The following ZNF441 variants were observed in gnomAD, a reference collection of about 807,000 sequenced individuals.
The protein encoded by ZNF441 is zinc finger protein 441.
Under a neutral mutation model 64.5 loss-of-function variants are expected in ZNF441, and 25 were observed. That is an observed-to-expected ratio of 0.39 (90% confidence interval 0.28 to 0.54). ZNF441 has a LOEUF of 0.54. Ranked by LOEUF, ZNF441 falls within the 20% of genes least tolerant of loss-of-function variation. The probability of loss-of-function intolerance (pLI) is 0.70; values close to 1 mark genes in which losing one functional copy is unlikely to be tolerated. For synonymous variants in ZNF441, 262 were observed against 268.0 expected, an observed-to-expected ratio of 0.98 and a Z score of 0.22; for missense variants, 715 against 843.3, an observed-to-expected ratio of 0.85 and a Z score of 1.88.
intron 1 of ZNF441, among the ~76,000 whole-genome samples, chr19:11,777,291 A>G (rs1035032476): frequency 3.9e-5 from 6 of 152,002 alleles, no homozygotes; most frequent in African/African-American, 1.5e-4. Context: ...CACAATAGGT[A>G]GTAGGACTTT....
intron 3 of ZNF441, 51 bp from the exon 4 acceptor site, chr19:11,779,968 C>T (rs913925126): frequency 2.9e-6 from 4 of 1,400,452 alleles, no homozygotes; most frequent in Non-Finnish European, 3.9e-6. Flanking sequence ...CTTATTAATA[C>T]AAAATCATTT....
intron 1 of ZNF441, among the ~76,000 whole-genome samples, chr19:11,772,591 CAAAT>C (rs1975323207): frequency 6.6e-6 from 1 of 152,172 alleles, no homozygotes; most frequent in Non-Finnish European, 1.5e-5. Context: ...TGTTACTAAA[CAAAT>C]GAATAATTAA....
chr19:11,780,207 A>T lies in ZNF441; in HGVS notation c.383A>T (p.His128Leu), dbSNP rs771903330. 6.8e-6 allele frequency: 11 copies of T among 1,614,122 alleles called. No individual in the cohort carries two copies. Among genetic ancestry groups the T allele is most frequent in the African/African-American group, 1.3e-5 (1 of 74,952 alleles). ...LNCYVRVDSE[H>L]KPCEYQEYGE... is the part of the protein sequence containing the mutation. The stretch of plus-strand genomic sequence containing the variant: ...TGCTACGTTAGAGTTGACAGTGAAC[A>T]CAAACCATGTGAGTATCAAGAATAT... The change falls in exon 4 of 4, where the codon CAC becomes CTC. Residue 128 changes from histidine to leucine, a missense_variant. His to Leu is a moderately conservative substitution (Grantham distance 99). Transcript: ENST00000357901.
rs1290733192 is a variant in ZNF441 at position 11,783,851 on chromosome 19, G to A, written c.*1945G>A. Reference sequence around the variant, plus strand: ...TTCTGATGTTAGAAAGCATACTAGAGTGAACTATAGTTAGCAAAAATATAT... The same window carrying A: ...TTCTGATGTTAGAAAGCATACTAGAATGAACTATAGTTAGCAAAAATATAT... On this transcript the variant is annotated 3_prime_UTR_variant, in exon 4 of 4. Coordinates refer to ENST00000357901, the MANE Select transcript of ZNF441 (RefSeq NM_152355.3). 1.3e-5 allele frequency: 2 copies of A among 152,132 alleles called. No individual in the cohort carries two copies. The highest frequency in any genetic ancestry group is 4.8e-5 in the African/African-American group (2 of 41,420). 9.4% of individuals were successfully genotyped at this position (152,132 alleles called of 1,614,324 possible).
At position 11,778,281 on chromosome 19, in the gene ZNF441, C is replaced by T. The variant is rs1272272604; in HGVS notation, c.131-49C>T. The stretch of plus-strand genomic sequence containing the variant: ...GTGTACATAAAATCTTACAGTCTTT[C>T]TATAATTTTATAATAATTTATAGTC... On this transcript the variant is annotated intron_variant, in intron 2 of 3. Transcript: ENST00000357901. The T allele has an allele frequency of 3.9e-6, 5 of 1,277,010 alleles. No homozygotes were observed. In the African/African-American group the frequency reaches 7.5e-5, roughly 19 times the overall value. 79.1% of individuals were successfully genotyped at this position (1,277,010 alleles called of 1,614,324 possible).
rs1018072992 is a variant in ZNF441 at position 11,767,025 on chromosome 19, A to T, written c.-169A>T. The stretch of plus-strand genomic sequence containing the variant: ...GTCAATCAGGCGCACTGACCGGAGG[A>T]GGGTGCAAGGTTCAAAGAGCCCGCC... On this transcript the variant is annotated 5_prime_UTR_variant, in exon 1 of 4. Transcript: ENST00000357901. The surrounding 1 kb of genome is among the most constrained non-coding windows in gnomAD (Gnocchi z 5.1). The T allele has an allele frequency of 1.1e-6, 1 of 927,866 alleles. No homozygotes were observed. The highest frequency in any genetic ancestry group is 1.6e-6 in the Non-Finnish European group (1 of 613,748). The allele number at this position is 927,866 out of a possible 1,614,324, so 57.5% of individuals were successfully genotyped here. A position where few individuals can be genotyped will look rare whatever the true frequency, so the allele number is the denominator to read the frequency against.
At chr19:11,778,176 A>T in intron 2 of ZNF441, 154 bp from the exon 3 acceptor site, 1 of 588,804 alleles carries the variant, frequency 1.7e-6, no homozygotes, top group Non-Finnish European at 3.0e-6. Context: ...GAAGAAATTC[A>T]TATGTAAGTA....
Position 11,780,387 on chromosome 19 carries a change from C to G in ZNF441, c.563C>G (p.Ala188Gly), listed in dbSNP as rs377438110. 4 of 1,614,080 alleles carry G rather than the reference C, an allele frequency of 2.5e-6. No individual in the cohort carries two copies. The highest frequency in any genetic ancestry group is 1.3e-5 in the African/African-American group (1 of 74,942). ...SSLENLQRHMAAHHGDGPRIC... is the reference protein window; with the variant it reads ...SSLENLQRHMGAHHGDGPRIC... ...CTTGAAAACCTTCAAAGACACATGG[C>G]AGCACACCATGGAGATGGACCTCGT... is the stretch of plus-strand genomic sequence containing the variant. Residue 188 changes from alanine (A) to glycine (G), a missense_variant, in exon 4 of 4, where the codon GCA becomes GGA. Transcript: ENST00000357901.
In ZNF441 at chr19:11,781,901, C is replaced by G; in HGVS notation, c.2077C>G (p.His693Asp). The G allele has an allele frequency of 6.3e-7, 1 of 1,583,442 alleles. No individual in the cohort carries two copies. The highest frequency in any genetic ancestry group is 8.6e-7 in the Non-Finnish European group (1 of 1,163,376). Reference protein sequence around the residue: ...ISSFHKHEMTH With the variant: ...ISSFHKHEMTD ...TTCCTTTCATAAACATGAAATGACT[C>G]ACTAGAGAAAACCCCTATGAGTGTT... The change falls in exon 4 of 4, where the codon CAC (histidine) becomes GAC (aspartate). Residue 693 changes from histidine to aspartate, a missense_variant. Around this residue, in one of 2 missense-constraint regions of ZNF441, gnomAD observed 316 missense variants for 429.3 expected, o/e 0.74. Transcript: ENST00000357901.
chr19:11,780,146 T>G lies in ZNF441; in HGVS notation c.322T>G (p.Cys108Gly). 6.2e-7 allele frequency: 1 copy of G among 1,614,062 alleles called. No individual in the cohort carries two copies. Reference protein sequence around the residue: ...PGVDPWESSECTDVLMGRSSL... With the variant: ...PGVDPWESSEGTDVLMGRSSL... ...AGTAGATCCATGGGAAAGCAGTGAG[T>G]GTACAGACGTCCTCATGGGTCGTTC... is the stretch of plus-strand genomic sequence containing the variant. The change falls in exon 4 of 4, where the codon TGT becomes GGT. Residue 108 changes from cysteine (C) to glycine (G), a missense_variant. Around this residue, in one of 2 missense-constraint regions of ZNF441, gnomAD observed 399 missense variants for 413.9 expected, o/e 0.96. Transcript: ENST00000357901.
chr19:11,781,744 G>C lies in ZNF441; in HGVS notation c.1920G>C (p.Glu640Asp). 6.2e-7 allele frequency: 1 copy of C among 1,614,114 alleles called. No homozygotes were observed. Among genetic ancestry groups the C allele is most frequent in the Non-Finnish European group, 8.5e-7 (1 of 1,179,986 alleles). The change falls in exon 4 of 4, where the codon GAG (glutamate) becomes GAC (aspartate). Residue 640 changes from glutamate (E) to aspartate (D), a missense_variant. Glu to Asp is a conservative substitution (Grantham distance 45). Coordinates refer to ENST00000357901, the MANE Select transcript of ZNF441 (RefSeq NM_152355.3). ...TACACGAAAGAGTTCATACTGGAGA[G>C]AAGCCGTATAAATGTAAGGAATGTG... Reference protein sequence around the residue: ...LRIHERVHTGEKPYKCKECGK... With the variant: ...LRIHERVHTGDKPYKCKECGK...
At chr19:11,769,002 T>G (rs451036) in intron 1 of ZNF441, among the ~76,000 whole-genome samples, 53,900 of 151,948 alleles carry the variant, frequency 0.35, 9,937 homozygotes, top group Middle Eastern at 0.41. Context: ...AGCAGCATGG[T>G]GATGGGGGAT....
chr19:11,767,903 C>A lies in ZNF441; in HGVS notation c.3+707C>A, dbSNP rs957787900. Among the ~76,000 whole-genome samples the A allele has an allele frequency of 2.6e-5, 4 of 152,164 alleles. No homozygotes were observed. The highest frequency in any genetic ancestry group is 2.1e-4 in the South Asian group (1 of 4,828). On this transcript the variant is annotated intron_variant, in intron 1 of 3. Coordinates refer to ENST00000357901, the MANE Select transcript of ZNF441 (RefSeq NM_152355.3). The surrounding 1 kb of genome is among the most constrained non-coding windows in gnomAD (Gnocchi z 5.1). ...CCGCGAGGCAGCGGGGCTGAGGGCACCTGGTTAATATCTAACTGCAATCTC... is the reference window on the plus strand; with the variant it reads ...CCGCGAGGCAGCGGGGCTGAGGGCAACTGGTTAATATCTAACTGCAATCTC...
chr19:11,769,816 C>T (rs1358051339), intron 1 of ZNF441, among the ~76,000 whole-genome samples: 1 of 152,110 alleles, frequency 6.6e-6, no homozygotes, highest in African/African-American at 2.4e-5. Context: ...GCTGGGACTA[C>T]AGGCACATGC....
In ZNF441 at chr19:11,782,078, T is replaced by A. The variant is rs970735698; in HGVS notation, c.*172T>A. 9 of 491,684 alleles carry A rather than the reference T, an allele frequency of 1.8e-5. No individual in the cohort carries two copies. Among genetic ancestry groups the A allele is most frequent in the Admixed American group, 7.4e-5 (2 of 27,008 alleles). The allele number at this position is 491,684 out of a possible 1,614,324, so 30.5% of individuals were successfully genotyped here. On this transcript the variant is annotated 3_prime_UTR_variant, in exon 4 of 4. Coordinates refer to ENST00000357901, the MANE Select transcript of ZNF441 (RefSeq NM_152355.3). ...CATGACCAAACTCATACTTCAAAAATATATATATAATGAATGTGAGGAATA... is the reference window on the plus strand; with the variant it reads ...CATGACCAAACTCATACTTCAAAAAAATATATATAATGAATGTGAGGAATA...
chr19:11,773,883 C>CT (rs552558748), intron 1 of ZNF441, among the ~76,000 whole-genome samples: 1 of 152,024 alleles, frequency 6.6e-6, no homozygotes, highest in Admixed American at 6.6e-5. Context: ...CAGTCCCTGC[C>CT]TTTTTTACTG....
Position 11,767,291 on chromosome 19 carries a change from G to A in ZNF441, c.3+95G>A. ...GTGGTGGCACCAGGTCTTCCCCGCC[G>A]GCGACACCCTGGCGCAGCTCGGCCC... On this transcript the variant is annotated intron_variant, in intron 1 of 3. Coordinates refer to ENST00000357901, the MANE Select transcript of ZNF441 (RefSeq NM_152355.3). The surrounding 1 kb of genome is among the most constrained non-coding windows in gnomAD (Gnocchi z 5.1). 1 of 1,531,492 alleles carries A rather than the reference G, an allele frequency of 6.5e-7. No individual in the cohort carries two copies. Among genetic ancestry groups the A allele is most frequent in the South Asian group, 1.2e-5 (1 of 83,388 alleles). The allele number at this position is 1,531,492 out of a possible 1,614,324, so 94.9% of individuals were successfully genotyped here.
At chr19:11,771,800 C>A (rs1975315815) in intron 1 of ZNF441, among the ~76,000 whole-genome samples, 1 of 152,200 alleles carries the variant, frequency 6.6e-6, no homozygotes, top group Admixed American at 6.5e-5. Flanking sequence ...CAAGGAACAC[C>A]CACTACTTAG....
chr19:11,781,835 T>A lies in ZNF441; in HGVS notation c.2011T>A (p.Tyr671Asn), dbSNP rs769378971. ...HERTHSMEKP[Y>N]KCKECGEAFH... ...AAGGACCCACAGTATGGAGAAACCC[T>A]ATAAGTGTAAAGAATGTGGGGAAGC... Residue 671 changes from tyrosine to asparagine, a missense_variant, in exon 4 of 4, where the codon TAT (tyrosine) becomes AAT (asparagine). Coordinates refer to ENST00000357901, the MANE Select transcript of ZNF441 (RefSeq NM_152355.3). The A allele has an allele frequency of 9.9e-6, 16 of 1,613,062 alleles. No individual in the cohort carries two copies. Among genetic ancestry groups the A allele is most frequent in the Non-Finnish European group, 1.4e-5 (16 of 1,179,440 alleles).
Sources: gnomAD v4.1 joint callset for allele counts (sites outside exome capture counted in the v4.1 genomes callset) on GRCh38, gnomAD v4.1.1 for gene constraint, gnomAD v4.1.1 regional missense constraint, Gnocchi (gnomAD v3.1) non-coding constraint, MANE v1.5 for transcripts, NCBI Gene and HGNC (gene_info 2026-07-23, HGNC 2026-07-21) for gene names.